ARL15: variants seen among roughly 807,000 people sequenced by gnomAD.
ARL15 encodes the protein ADP-ribosylation factor-like protein 15.
A neutral mutation model predicts 25.2 loss-of-function variants in ARL15; 19 were observed. That is an observed-to-expected ratio of 0.75 (90% confidence interval 0.53 to 1.10). The LOEUF (loss-of-function observed/expected upper bound fraction) is 1.10, where lower values mean the gene tolerates loss of function less well. Ranked by LOEUF, ARL15 falls within the 50% of genes least tolerant of loss-of-function variation. The probability of loss-of-function intolerance (pLI) is 0.00; values close to 1 mark genes in which losing one functional copy is unlikely to be tolerated. For missense variants in ARL15, 220 were observed against 246.0 expected, an observed-to-expected ratio of 0.89 and a Z score of 0.71; for synonymous variants, 94 against 86.8, an observed-to-expected ratio of 1.08 and a Z score of -0.46.
chr5:53,950,012 T>C (rs1372733382), intron 4 of ARL15, among the ~76,000 whole-genome samples: 1 of 152,112 alleles, frequency 6.6e-6, no homozygotes, highest in African/African-American at 2.4e-5. Context: ...TGTTAAGCGA[T>C]GCAGAAAAAA....
chr5:54,006,391 G>C (rs1380236911), intron 4 of ARL15, among the ~76,000 whole-genome samples: 1 of 151,740 alleles, frequency 6.6e-6, no homozygotes, highest in African/African-American at 2.4e-5. Flanking sequence ...AGTACACATG[G>C]ATATATGTGT....
chr5:54,266,776 A>T (rs1410774826), intron 1 of ARL15, among the ~76,000 whole-genome samples: 1 of 152,226 alleles, frequency 6.6e-6, no homozygotes, highest in Non-Finnish European at 1.5e-5. Flanking sequence ...TTGGAGAGTT[A>T]GAAGATGAAA....
chr5:54,044,115 AT>A (rs1208311032), intron 4 of ARL15, among the ~76,000 whole-genome samples: 1 of 152,230 alleles, frequency 6.6e-6, no homozygotes, highest in East Asian at 1.9e-4. Flanking sequence ...TATGAAATTT[AT>A]TAAGCACATT....
chr5:54,185,850 T>C (rs956675742), intron 1 of ARL15, among the ~76,000 whole-genome samples: 3 of 152,180 alleles, frequency 2.0e-5, no homozygotes, highest in Non-Finnish European at 2.9e-5. Context: ...ATTCTTCTCA[T>C]AGTAGATAAT....
chr5:54,285,952 C>T (rs534014634), intron 1 of ARL15, among the ~76,000 whole-genome samples: 60 of 152,304 alleles, frequency 3.9e-4, no homozygotes, highest in Non-Finnish European at 7.5e-4. Context: ...GTCAATTATG[C>T]TTTAGTCACT....
chr5:54,278,998 A>G (rs990041478), intron 1 of ARL15, among the ~76,000 whole-genome samples: 3 of 152,178 alleles, frequency 2.0e-5, no homozygotes, highest in Admixed American at 6.6e-5. Context: ...TATGTAAAAT[A>G]TAAGGCTTTT....
At chr5:53,933,878 G>C (rs1439275442) in intron 4 of ARL15, among the ~76,000 whole-genome samples, 3 of 152,076 alleles carry the variant, frequency 2.0e-5, no homozygotes, top group African/African-American at 7.2e-5. Flanking sequence ...ATGACCAAGG[G>C]CTGAATTCAG....
chr5:53,933,421 C>T (rs1377450154), intron 4 of ARL15, among the ~76,000 whole-genome samples: 7 of 151,810 alleles, frequency 4.6e-5, no homozygotes, highest in East Asian at 3.9e-4. Context: ...TCGAGGTGGG[C>T]GATCACGAGG....
intron 4 of ARL15, among the ~76,000 whole-genome samples, chr5:53,940,853 TA>T (rs771677412): frequency 1.3e-5 from 2 of 152,230 alleles, no homozygotes; most frequent in Non-Finnish European, 2.9e-5. Flanking sequence ...GCAGCTGACT[TA>T]ATTCTCAAAA....
rs762572133 is a variant in ARL15 at position 54,021,918 on chromosome 5, A to G, written c.462+91284T>C. Among the ~76,000 whole-genome samples, 33 of 149,078 alleles carry G rather than the reference A, an allele frequency of 2.2e-4. 1 individual carries two copies. In the Middle Eastern group the frequency reaches 0.024, roughly 108 times the overall value. On this transcript the variant is annotated intron_variant, in intron 4 of 4. Transcript: ENST00000504924. Reference sequence around the variant, plus strand: ...GCAGAAAGGGACACCTCACCTAAAGAAGAATAAAAATTAAAATGACAGCAG... The same window carrying G: ...GCAGAAAGGGACACCTCACCTAAAGGAGAATAAAAATTAAAATGACAGCAG...
chr5:53,986,502 A>G (rs1209348911), intron 4 of ARL15, among the ~76,000 whole-genome samples: 6 of 152,336 alleles, frequency 3.9e-5, no homozygotes, highest in Non-Finnish European at 2.9e-5. Context: ...CACTCCAGAC[A>G]TCGGATTACA....
chr5:54,086,484 T>C (rs1313760960), intron 4 of ARL15, among the ~76,000 whole-genome samples: 1 of 151,228 alleles, frequency 6.6e-6, no homozygotes, highest in Admixed American at 6.6e-5. Flanking sequence ...GTAGCTTAAA[T>C]AGACATTTAC....
intron 4 of ARL15, among the ~76,000 whole-genome samples, chr5:54,005,352 C>A (rs1448271953): frequency 2.0e-5 from 3 of 152,172 alleles, no homozygotes; most frequent in Admixed American, 2.0e-4. Flanking sequence ...TTCACAGGAT[C>A]CAGTCTGTCC....
intron 4 of ARL15, among the ~76,000 whole-genome samples, chr5:53,918,015 G>A (rs953797040): frequency 6.6e-6 from 1 of 152,066 alleles, no homozygotes; most frequent in South Asian, 2.1e-4. Context: ...GAAATCATAC[G>A]ACATATGCAA....
At chr5:54,058,397 A>C (rs1750955283) in intron 4 of ARL15, among the ~76,000 whole-genome samples, 1 of 152,188 alleles carries the variant, frequency 6.6e-6, no homozygotes, top group South Asian at 2.1e-4. Context: ...TTAAATAAAC[A>C]AGTATTTGTT....
At chr5:53,954,425 G>T (rs115682950) in intron 4 of ARL15, among the ~76,000 whole-genome samples, 1 of 152,094 alleles carries the variant, frequency 6.6e-6, no homozygotes, top group African/African-American at 2.4e-5. Context: ...GAAAAATAAG[G>T]TAATTACTTT....
At chr5:54,206,547 T>C (rs6865125) in intron 1 of ARL15, among the ~76,000 whole-genome samples, 49,175 of 152,082 alleles carry the variant, frequency 0.32, 8,429 homozygotes, top group African/African-American at 0.39. Context: ...GTAAGTGATC[T>C]TATTTAGATG....
At chr5:54,186,871 CTTT>C (rs562016960) in intron 1 of ARL15, among the ~76,000 whole-genome samples, 14 of 135,900 alleles carry the variant, frequency 1.0e-4, no homozygotes, top group African/African-American at 1.6e-4. Context: ...GTAGCATCGA[CTTT>C]TTTTTTTTTT....
intron 1 of ARL15, among the ~76,000 whole-genome samples, chr5:54,218,439 A>T (rs1257935309): frequency 6.6e-6 from 1 of 152,146 alleles, no homozygotes; most frequent in Non-Finnish European, 1.5e-5. Context: ...GCAGAATTAG[A>T]TTCACTATAT....
Sources: gnomAD v4.1 joint callset for allele counts (sites outside exome capture counted in the v4.1 genomes callset) on GRCh38, gnomAD v4.1.1 for gene constraint, MANE v1.5 for transcripts, NCBI Gene and HGNC (gene_info 2026-07-23, HGNC 2026-07-21) for gene names.